Variants in GPRC5D observed in about 807,000 individuals in gnomAD.
GPRC5D encodes G protein-coupled receptor family C group 5 member D.
Under a neutral mutation model 29.3 loss-of-function variants are expected in GPRC5D, and 20 were observed. The ratio of observed to expected loss-of-function variants is 0.68; its 90% confidence interval spans 0.48 to 0.99. GPRC5D has a LOEUF of 0.99. Ranked by LOEUF, GPRC5D falls within the 50% of genes least tolerant of loss-of-function variation. The probability of loss-of-function intolerance (pLI) is 0.00; values close to 1 mark genes in which losing one functional copy is unlikely to be tolerated. For synonymous variants in GPRC5D, 178 were observed against 171.3 expected (o/e 1.04, Z -0.30); for missense variants, 384 against 423.6 (o/e 0.91, Z 0.82).
At chr12:12,952,169 G>A (rs1863514247), upstream of GPRC5D, 3 of 152,130 alleles carry the variant, frequency 2.0e-5, no homozygotes, top group South Asian at 2.1e-4. Flanking sequence ...CTGCCAATGA[G>A]TAAGAAAGAG....
chr12:12,949,567 C>G (rs776825754), exon 1 of GPRC5D: 1 of 1,613,406 alleles, frequency 6.2e-7, no homozygotes, highest in Non-Finnish European at 8.5e-7. Flanking sequence ...TTGTAAAGGG[C>G]ACTCCTGTCT....
chr12:12,950,289 A>G (rs750658071), exon 1 of GPRC5D: 2 of 1,613,694 alleles, frequency 1.2e-6, no homozygotes, highest in South Asian at 1.1e-5. Context: ...CCACGATGCC[A>G]AGTATGGCCA....
upstream of GPRC5D, among the ~76,000 whole-genome samples, chr12:12,951,745 G>C (rs1863501825): frequency 6.6e-6 from 1 of 152,120 alleles, no homozygotes. Context: ...ACTGCTTGAA[G>C]GAGACAGGCA....
intron 1 of GPRC5D, among the ~76,000 whole-genome samples, chr12:12,946,548 A>G (rs967977420): frequency 6.6e-6 from 1 of 151,112 alleles, no homozygotes; most frequent in African/African-American, 2.4e-5. Context: ...TCTGCCTCCC[A>G]GGTTCAAGTG....
chr12:12,949,161 A>C (rs1480311585), intron 1 of GPRC5D, among the ~76,000 whole-genome samples: 1 of 152,182 alleles, frequency 6.6e-6, no homozygotes, highest in Non-Finnish European at 1.5e-5. Flanking sequence ...GTCCAGGCCT[A>C]ATTTAGGGCC....
chr12:12,950,119 G>A, exon 1 of GPRC5D: 1 of 1,614,152 alleles, frequency 6.2e-7, no homozygotes, highest in Non-Finnish European at 8.5e-7. Flanking sequence ...GCGTACGGGG[G>A]CAGTTTGTTG....
intron 1 of GPRC5D, among the ~76,000 whole-genome samples, chr12:12,946,508 G>T (rs771967550): frequency 2.0e-5 from 3 of 150,840 alleles, no homozygotes; most frequent in African/African-American, 7.3e-5. Flanking sequence ...AGGCTGGAGA[G>T]CATTGGTGTG....
chr12:12,948,908 C>T (rs769781389), intron 1 of GPRC5D, among the ~76,000 whole-genome samples: 1 of 152,178 alleles, frequency 6.6e-6, no homozygotes, highest in Non-Finnish European at 1.5e-5. Context: ...CTCTTCCTCT[C>T]GCTTTTTGTA....
At chr12:12,945,350 T>C (rs139641317) in intron 1 of GPRC5D, among the ~76,000 whole-genome samples, 249 of 152,258 alleles carry the variant, frequency 1.6e-3, no homozygotes, top group Middle Eastern at 6.8e-3. Flanking sequence ...AAATATGATA[T>C]AACAATATTC....
rs535258037 is a variant in GPRC5D at position 12,944,150 on chromosome 12, A to G, written c.896-1822T>C. Reference sequence around the variant, plus strand: ...TTTTAAATTGAAATGTAATTTTTTTAGAGTGTGCAGTGGCGCAATCATAGC... The same window carrying G: ...TTTTAAATTGAAATGTAATTTTTTTGGAGTGTGCAGTGGCGCAATCATAGC... On this transcript the variant is annotated intron_variant, in intron 1 of 2. Transcript: ENST00000228887. Among the ~76,000 whole-genome samples, 3 of 152,236 alleles carry G rather than the reference A, an allele frequency of 2.0e-5. No individual in the cohort carries two copies. The East Asian group carries it at 5.8e-4, about 29-fold the overall frequency.
intron 2 of GPRC5D, 83 bp from the exon 4 acceptor site, chr12:12,940,932 GAC>G (rs1863129460): frequency 5.3e-6 from 5 of 937,162 alleles, no homozygotes; most frequent in Non-Finnish European, 8.7e-6. Flanking sequence ...TGTTTTTTGA[GAC>G]AGAGTCTTGC....
At chr12:12,941,310 T>G (rs1863141564) in intron 2 of GPRC5D, among the ~76,000 whole-genome samples, 1 of 152,188 alleles carries the variant, frequency 6.6e-6, no homozygotes, top group Non-Finnish European at 1.5e-5. Flanking sequence ...AGGCTACCCC[T>G]TAGCCACGAA....
At chr12:12,946,324 T>C (rs1863331108) in intron 1 of GPRC5D, among the ~76,000 whole-genome samples, 1 of 147,328 alleles carries the variant, frequency 6.8e-6, no homozygotes, top group Admixed American at 6.7e-5. Flanking sequence ...TTTCTTTCTT[T>C]CTTTCTTTCT....
At chr12:12,951,377 A>T (rs1863492254), upstream of GPRC5D, among the ~76,000 whole-genome samples, 1 of 152,226 alleles carries the variant, frequency 6.6e-6, no homozygotes, top group Admixed American at 6.5e-5. Flanking sequence ...CCCTGGGGGA[A>T]GAAATTCAGA....
chr12:12,949,885 T>C lies in GPRC5D; in HGVS notation c.500A>G (p.Asn167Ser), dbSNP rs138805879. 4 of 1,614,058 alleles carry C rather than the reference T, an allele frequency of 2.5e-6. No homozygotes were observed. The highest frequency in any genetic ancestry group is 2.7e-5 in the African/African-American group (2 of 74,932). The change falls in exon 1 of 3, where the codon AAT (asparagine) becomes AGT (serine). Residue 167 changes from asparagine to serine, a missense_variant. By Grantham distance (46) the Asn-to-Ser change is conservative. Transcript: ENST00000228887. ...GACCAGGAGTACAACAAAGTCCACATTGAGCTGGCAGGGTGTCATATTCAC... is the reference window on the plus strand; with the variant it reads ...GACCAGGAGTACAACAAAGTCCACACTGAGCTGGCAGGGTGTCATATTCAC...
intron 1 of GPRC5D, 94 bp from the exon 3 acceptor site, chr12:12,942,422 C>T (rs1455826139): frequency 2.5e-6 from 2 of 792,242 alleles, no homozygotes; most frequent in Non-Finnish European, 4.4e-6. Flanking sequence ...GGCTTGCAAA[C>T]AGGCTCTTCA....
At chr12:12,950,447 GAC>G, upstream of GPRC5D, 1 of 1,092,434 alleles carries the variant, frequency 9.2e-7, no homozygotes, top group Non-Finnish European at 1.3e-6. Flanking sequence ...AAAAGGATGA[GAC>G]AAATTGACAA....
intron 1 of GPRC5D, chr12:12,948,056 G>A (rs375363103): frequency 1.3e-5 from 2 of 152,062 alleles, no homozygotes; most frequent in Non-Finnish European, 2.9e-5. Flanking sequence ...ATACTCCTTC[G>A]AGCCCGTTCA....
chr12:12,950,049 G>A, exon 1 of GPRC5D: 1 of 1,613,936 alleles, frequency 6.2e-7, no homozygotes, highest in Non-Finnish European at 8.5e-7. Context: ...TCACTAGATT[G>A]GAGGCATGAG....
Sources: gnomAD v4.1 joint callset for allele counts (sites outside exome capture counted in the v4.1 genomes callset) on GRCh38, gnomAD v4.1.1 for gene constraint, MANE v1.5 for transcripts, NCBI Gene and HGNC (gene_info 2026-07-23, HGNC 2026-07-21) for gene names.